The following CAMTA1 variants were observed in gnomAD, a reference collection of about 807,000 sequenced individuals.
CAMTA1 encodes calmodulin binding transcription activator 1.
A neutral mutation model predicts 170.9 loss-of-function variants in CAMTA1; 27 were observed. The observed-to-expected ratio is 0.16, with a 90% confidence interval of 0.12 to 0.22. The LOEUF is 0.22. Among genes scored for constraint, CAMTA1 ranks in the 10% least tolerant of loss-of-function variants. The probability of loss-of-function intolerance (pLI) is 1.00; values close to 1 mark genes in which losing one functional copy is unlikely to be tolerated. For synonymous variants in CAMTA1, 833 were observed against 891.5 expected, an observed-to-expected ratio of 0.93 and a Z score of 1.17; for missense variants, 1,619 against 2,217.2, an observed-to-expected ratio of 0.73 and a Z score of 5.42.
At chr1:6,979,956 G>A (rs1040019272) in intron 3 of CAMTA1, among the ~76,000 whole-genome samples, 1 of 152,142 alleles carries the variant, frequency 6.6e-6, no homozygotes, top group African/African-American at 2.4e-5. Context: ...ATGAAGACGG[G>A]GGAGTCTCAG....
chr1:6,893,973 C>T (rs753601123), intron 3 of CAMTA1, among the ~76,000 whole-genome samples: 5 of 152,198 alleles, frequency 3.3e-5, no homozygotes, highest in Non-Finnish European at 7.3e-5. Context: ...TTTCCTTTCT[C>T]CTCTCTCTTT....
chr1:6,795,422 G>A (rs1642257932), intron 1 of CAMTA1, among the ~76,000 whole-genome samples: 1 of 151,922 alleles, frequency 6.6e-6, no homozygotes, highest in Non-Finnish European at 1.5e-5. Flanking sequence ...TTGAACTCCT[G>A]GTCTCAAGCA....
At chr1:7,363,660 C>T (rs1414954285) in intron 5 of CAMTA1, among the ~76,000 whole-genome samples, 1 of 152,096 alleles carries the variant, frequency 6.6e-6, no homozygotes, top group African/African-American at 2.4e-5. Context: ...CCGTGATTAG[C>T]AGGTCTATTT....
intron 4 of CAMTA1, among the ~76,000 whole-genome samples, chr1:7,224,000 C>T (rs1016751635): frequency 6.6e-6 from 1 of 152,102 alleles, no homozygotes; most frequent in Admixed American, 6.6e-5. Flanking sequence ...CTCGATCACC[C>T]CAGATGACCA....
Position 7,251,749 on chromosome 1 carries a change from C to A in CAMTA1, c.438+2123C>A, listed in dbSNP as rs1666674419. 6.6e-6 allele frequency among the ~76,000 whole-genome samples: 1 copy of A among 152,072 alleles called. No individual in the cohort carries two copies. The highest frequency in any genetic ancestry group is 6.5e-5 in the Admixed American group (1 of 15,270). On this transcript the variant is annotated intron_variant, in intron 5 of 22. Coordinates refer to ENST00000303635, the MANE Select transcript of CAMTA1 (RefSeq NM_015215.4). This position sits in a 1 kb window ranked among gnomAD's most constrained non-coding sequence, Gnocchi z 5.1. Reference sequence around the variant, plus strand: ...GTGCTGAGACGCAGAGCAGCCTGGGCTTTTATGATAAGCATCCCGGGAGTG... The same window carrying A: ...GTGCTGAGACGCAGAGCAGCCTGGGATTTTATGATAAGCATCCCGGGAGTG...
At position 7,140,883 on chromosome 1, in the gene CAMTA1, C is replaced by T. The variant is rs192577816; in HGVS notation, c.302+49512C>T. On this transcript the variant is annotated intron_variant, in intron 4 of 22. Transcript: ENST00000303635. ...TGTAAAATTATCTGCTTTATGATGCCGCATCACAGCTCTGATCTTTTTCTT... is the reference window on the plus strand; with the variant it reads ...TGTAAAATTATCTGCTTTATGATGCTGCATCACAGCTCTGATCTTTTTCTT... Among the ~76,000 whole-genome samples, 77 of 152,160 alleles carry T rather than the reference C, an allele frequency of 5.1e-4. 1 individual carries two copies. The highest frequency in any genetic ancestry group is 2.1e-4 in the South Asian group (1 of 4,802).
At chr1:7,473,028 C>T (rs2093360439) in intron 6 of CAMTA1, among the ~76,000 whole-genome samples, 1 of 152,192 alleles carries the variant, frequency 6.6e-6, no homozygotes, top group African/African-American at 2.4e-5. Flanking sequence ...CAGGCTTCCC[C>T]ACAAGGCCTG....
chr1:6,979,264 G>A (rs779523174), intron 3 of CAMTA1, among the ~76,000 whole-genome samples: 4 of 152,138 alleles, frequency 2.6e-5, no homozygotes, highest in Non-Finnish European at 5.9e-5. Flanking sequence ...CAGGGTCTCC[G>A]GCACAGGGGG....
At chr1:7,271,988 T>G (rs1397670967) in intron 5 of CAMTA1, among the ~76,000 whole-genome samples, 1 of 151,988 alleles carries the variant, frequency 6.6e-6, no homozygotes, top group Non-Finnish European at 1.5e-5. Flanking sequence ...AAACCAAGGG[T>G]CATATGAATT....
intron 7 of CAMTA1, among the ~76,000 whole-genome samples, chr1:7,652,594 G>GC (rs752351139): frequency 1.2e-4 from 18 of 152,194 alleles, no homozygotes; most frequent in Admixed American, 3.3e-4. Flanking sequence ...CTGGGCATCA[G>GC]CTTGGGATGA....
intron 2 of CAMTA1, among the ~76,000 whole-genome samples, chr1:6,822,596 A>G (rs992812322): frequency 3.3e-5 from 5 of 152,102 alleles, no homozygotes; most frequent in African/African-American, 1.2e-4. Context: ...GGCCAGTCAT[A>G]TTCCTGTTCC....
chr1:7,571,943 A>C (rs906901002), intron 6 of CAMTA1, among the ~76,000 whole-genome samples: 14 of 152,196 alleles, frequency 9.2e-5, no homozygotes, highest in African/African-American at 3.4e-4. Flanking sequence ...GAACTAATTT[A>C]CACTCCCATC....
rs58953861 is a variant in CAMTA1 at position 7,031,001 on chromosome 1, A to ATTT, written c.235-60279_235-60277dup. Among the ~76,000 whole-genome samples, 16 of 100,026 alleles carry ATTT rather than the reference A, an allele frequency of 1.6e-4. 1 individual carries two copies. Among genetic ancestry groups the ATTT allele is most frequent in the African/African-American group, 4.7e-4 (11 of 23,584 alleles). 65.6% of individuals were successfully genotyped at this position (100,026 alleles called of 152,430 possible). On this transcript the variant is annotated intron_variant, in intron 3 of 22. Coordinates refer to ENST00000303635, the MANE Select transcript of CAMTA1 (RefSeq NM_015215.4). ...AGGCGCTCGCCACCATGCCCAGCTA[A>ATTT]TTTTTTTTTTTTTTTTTTTTTTTTT...
chr1:7,413,108 G>T (rs1304610703), intron 5 of CAMTA1, among the ~76,000 whole-genome samples: 1 of 151,304 alleles, frequency 6.6e-6, no homozygotes, highest in Non-Finnish European at 1.5e-5. Context: ...CTGTTCCATT[G>T]ATCTATATCT....
At chr1:7,763,854 A>C (rs1357961622) in intron 22 of CAMTA1, among the ~76,000 whole-genome samples, 1 of 152,224 alleles carries the variant, frequency 6.6e-6, no homozygotes, top group East Asian at 1.9e-4. Flanking sequence ...AATTATAGAC[A>C]TCTCATCAGT....
intron 4 of CAMTA1, among the ~76,000 whole-genome samples, chr1:7,202,100 C>A (rs1380125534): frequency 2.0e-5 from 3 of 152,160 alleles, no homozygotes; most frequent in Non-Finnish European, 4.4e-5. Context: ...CATTCTTTTG[C>A]ATGTGACTAG....
chr1:7,586,978 A>G (rs1243145342), intron 6 of CAMTA1, among the ~76,000 whole-genome samples: 1 of 151,886 alleles, frequency 6.6e-6, no homozygotes, highest in Admixed American at 6.5e-5. Flanking sequence ...CAGATACACC[A>G]GGGCAGGGGT....
At chr1:7,087,094 C>T (rs1433679774) in intron 3 of CAMTA1, among the ~76,000 whole-genome samples, 1 of 152,164 alleles carries the variant, frequency 6.6e-6, no homozygotes, top group Non-Finnish European at 1.5e-5. Flanking sequence ...CGGTTTTTTT[C>T]CTCTGTCAAG....
chr1:7,035,280 A>G (rs780518901), intron 3 of CAMTA1, among the ~76,000 whole-genome samples: 2 of 152,122 alleles, frequency 1.3e-5, no homozygotes, highest in African/African-American at 2.4e-5. Context: ...CGCGCCTGTA[A>G]TCTCAGCTAC....
Sources: gnomAD v4.1 joint callset for allele counts (sites outside exome capture counted in the v4.1 genomes callset) on GRCh38, gnomAD v4.1.1 for gene constraint, Gnocchi (gnomAD v3.1) non-coding constraint, MANE v1.5 for transcripts, NCBI Gene and HGNC (gene_info 2026-07-23, HGNC 2026-07-21) for gene names.